The following RGPD8 variants were observed in gnomAD, a reference collection of about 807,000 sequenced individuals.
RGPD8 encodes RANBP2-like and GRIP domain-containing protein 8.
In RGPD8, 15 loss-of-function variants were observed where a neutral mutation model predicts 89.1. That is an observed-to-expected ratio of 0.17 (90% CI 0.11 to 0.26). RGPD8 has a LOEUF of 0.26. Among genes scored for constraint, RGPD8 ranks in the 10% least tolerant of loss-of-function variants. The pLI, the probability that RGPD8 is intolerant of heterozygous loss-of-function variation, is 1.00. For synonymous variants in RGPD8, 62 were observed against 420.9 expected (o/e 0.15, Z 10.44); for missense variants, 178 against 1,179.6 (o/e 0.15, Z 12.44).
At chr2:112,432,020 TA>T (rs1424018565) in intron 1 of RGPD8, among the ~76,000 whole-genome samples, 2 of 152,194 alleles carry the variant, frequency 1.3e-5, no homozygotes, top group Non-Finnish European at 1.5e-5. Context: ...CCTAAATGTT[TA>T]AAATGGATCA....
chr2:112,429,235 A>G (rs1375476299), intron 1 of RGPD8, among the ~76,000 whole-genome samples: 2 of 151,900 alleles, frequency 1.3e-5, no homozygotes, highest in Admixed American at 6.6e-5. Context: ...CCTGGCTAAC[A>G]CGGTGAAACT....
intron 1 of RGPD8, among the ~76,000 whole-genome samples, chr2:112,428,552 AC>A: frequency 6.6e-6 from 1 of 150,704 alleles, no homozygotes; most frequent in South Asian, 2.1e-4. Flanking sequence ...GATACAAGAA[AC>A]AAAGGGTCTA....
At chr2:112,432,402 A>G (rs1680080115) in intron 1 of RGPD8, 1 of 815,404 alleles carries the variant, frequency 1.2e-6, no homozygotes, top group Non-Finnish European at 1.5e-6. Flanking sequence ...GGAGGTGAGT[A>G]TGAGGAGTGG....
chr2:112,410,686 G>A (rs978724185), intron 7 of RGPD8, among the ~76,000 whole-genome samples: 2 of 151,438 alleles, frequency 1.3e-5, no homozygotes, highest in African/African-American at 4.9e-5. Context: ...GCTGAAGCAG[G>A]AGAATCACTT....
rs1168913133 is a variant in RGPD8, at chr2:112,413,525, C to T, written c.783-899G>A. Among the ~76,000 whole-genome samples, 89 of 108,828 alleles carry T rather than the reference C, an allele frequency of 8.2e-4. 3 individuals are homozygous for T. In the Middle Eastern group the frequency reaches 0.016, roughly 20 times the overall value. The allele number at this position is 108,828 out of a possible 152,430, so 71.4% of individuals were successfully genotyped here. A position where few individuals can be genotyped will look rare whatever the true frequency, so the allele number is the denominator to read the frequency against. On this transcript the variant is annotated intron_variant, in intron 6 of 22. Coordinates refer to ENST00000302558, the MANE Select transcript of RGPD8 (RefSeq NM_001164463.1). ...TAAAAGCAAAAAGCAAACACTTAAA[C>T]GTGAAGCATGATTTTAAAGTGGCTT...
intron 7 of RGPD8, among the ~76,000 whole-genome samples, chr2:112,410,585 G>T (rs1327984195): frequency 1.3e-5 from 2 of 150,158 alleles, no homozygotes; most frequent in Admixed American, 1.3e-4. Context: ...AGACCATCCT[G>T]GCTAACATGG....
intron 1 of RGPD8, among the ~76,000 whole-genome samples, chr2:112,425,674 A>C (rs2699688): frequency 6.6e-6 from 1 of 151,060 alleles, no homozygotes; most frequent in Non-Finnish European, 1.5e-5. Context: ...GCAAAGAATC[A>C]CTTGAACCCG....
At chr2:112,380,487 C>T (rs1392174918) in intron 21 of RGPD8, among the ~76,000 whole-genome samples, 13 of 147,342 alleles carry the variant, frequency 8.8e-5, no homozygotes, top group Admixed American at 5.5e-4. Context: ...CCTGTCTCTA[C>T]TAAAAATACA....
intron 1 of RGPD8, among the ~76,000 whole-genome samples, chr2:112,427,010 T>C (rs1317788583): frequency 6.6e-6 from 1 of 151,938 alleles, no homozygotes; most frequent in Non-Finnish European, 1.5e-5. Context: ...TTGGCCAAGA[T>C]GGTGTCGATC....
rs1273367452 is a variant in RGPD8, at chr2:112,417,174, C to G, written c.782+19G>C. On this transcript the variant is annotated intron_variant, in intron 6 of 22. Coordinates refer to ENST00000302558, the MANE Select transcript of RGPD8 (RefSeq NM_001164463.1). ...AAACTGCAATTTATACTAAAGCATTCTCCTCAAAGTCTACGCACCTTTCCA... is the reference window on the plus strand; with the variant it reads ...AAACTGCAATTTATACTAAAGCATTGTCCTCAAAGTCTACGCACCTTTCCA... 53 of 1,608,318 alleles carry G rather than the reference C, an allele frequency of 3.3e-5. No homozygotes were observed. The highest frequency in any genetic ancestry group is 4.2e-5 in the Non-Finnish European group (49 of 1,179,836).
At chr2:112,382,205 G>A (rs1322737264) in intron 20 of RGPD8, among the ~76,000 whole-genome samples, 1 of 152,312 alleles carries the variant, frequency 6.6e-6, no homozygotes, top group Non-Finnish European at 1.5e-5. Flanking sequence ...TCCTCAGTCT[G>A]CAGATGGCCT....
chr2:112,395,831 C>A (rs1317187310), intron 17 of RGPD8, among the ~76,000 whole-genome samples: 2 of 152,300 alleles, frequency 1.3e-5, no homozygotes, highest in African/African-American at 2.4e-5. Flanking sequence ...GCTGCCTTGA[C>A]AAGATGGCAG....
At chr2:112,427,580 A>G (rs1679823852) in intron 1 of RGPD8, among the ~76,000 whole-genome samples, 1 of 152,184 alleles carries the variant, frequency 6.6e-6, no homozygotes, top group Admixed American at 6.5e-5. Context: ...ACAGTAAGAT[A>G]GAGATGTAAT....
rs1558995223 is a variant in RGPD8 at position 112,433,464 on chromosome 2, A to T, written c.-11T>A. ...CTTGCTGCGCCTCATCGCGCCGCCA[A>T]CCTGGCTCCCGAGACGCGTGCGAGC... On this transcript the variant is annotated 5_prime_UTR_variant, in exon 1 of 23. In the 5' UTR this introduces an upstream ATG that the reference lacks. Transcript: ENST00000302558. 1 of 1,606,668 alleles carries T rather than the reference A, an allele frequency of 6.2e-7. No individual in the cohort carries two copies. Among genetic ancestry groups the T allele is most frequent in the African/African-American group, 1.3e-5 (1 of 74,630 alleles).
chr2:112,409,703 C>T (rs1458868211), intron 7 of RGPD8, among the ~76,000 whole-genome samples: 1 of 144,768 alleles, frequency 6.9e-6, no homozygotes, highest in Non-Finnish European at 1.5e-5. Context: ...TGAGCTGAGG[C>T]TGAAGCAGGA....
At chr2:112,422,519 A>G in intron 3 of RGPD8, 29 bp downstream of exon 3, 2 of 1,608,668 alleles carry the variant, frequency 1.2e-6, no homozygotes, top group South Asian at 2.2e-5. Flanking sequence ...TTGGCTATGC[A>G]AAGGCTATAT....
chr2:112,430,629 A>G (rs1450976154), intron 1 of RGPD8, among the ~76,000 whole-genome samples: 7 of 151,338 alleles, frequency 4.6e-5, no homozygotes, highest in Non-Finnish European at 1.0e-4. Context: ...GAATCTCAGA[A>G]AGGCTCTAAG....
At chr2:112,411,396 G>A (rs1347091406) in intron 7 of RGPD8, among the ~76,000 whole-genome samples, 3 of 141,364 alleles carry the variant, frequency 2.1e-5, no homozygotes, top group East Asian at 2.1e-4. Context: ...GTGAAACCCC[G>A]TCTCTACTAA....
At position 112,429,877 on chromosome 2, in the gene RGPD8, T is replaced by C. The variant is rs565015465; in HGVS notation, c.72+3505A>G. On this transcript the variant is annotated intron_variant, in intron 1 of 22. Transcript: ENST00000302558. ...GGCTGGAGTGCAGTGGCGCAATCTC[T>C]GCTCACCACAACCTCTGCCTCCAGG... Among the ~76,000 whole-genome samples the C allele has an allele frequency of 7.2e-5, 11 of 152,192 alleles. No individual in the cohort carries two copies. In the East Asian group the frequency reaches 2.1e-3, roughly 29 times the overall value.
Sources: gnomAD v4.1 joint callset for allele counts (sites outside exome capture counted in the v4.1 genomes callset) on GRCh38, gnomAD v4.1.1 for gene constraint, MANE v1.5 for transcripts, NCBI Gene and HGNC (gene_info 2026-07-23, HGNC 2026-07-21) for gene names.